Variants in HPSE2 observed in about 807,000 individuals in gnomAD.
HPSE2 encodes heparanase 2 (inactive).
Under a neutral mutation model 60.5 loss-of-function variants are expected in HPSE2, and 38 were observed. That is an observed-to-expected ratio of 0.63 (90% CI 0.48 to 0.82). The LOEUF is 0.82. HPSE2 is among the 40% of genes least tolerant of loss of function. The pLI, the probability that HPSE2 is intolerant of heterozygous loss-of-function variation, is 0.00. For missense variants in HPSE2, 713 were observed against 740.4 expected, an observed-to-expected ratio of 0.96 and a Z score of 0.43; for synonymous variants, 295 against 293.2, an observed-to-expected ratio of 1.01 and a Z score of -0.06.
At chr10:98,735,923 T>G (rs1949345178) in intron 4 of HPSE2, among the ~76,000 whole-genome samples, 6 of 152,170 alleles carry the variant, frequency 3.9e-5, no homozygotes, top group Admixed American at 3.9e-4. Context: ...TTTGAGTTAA[T>G]GCTGAAATGG....
At chr10:99,191,013 T>C (rs1261995208) in intron 2 of HPSE2, among the ~76,000 whole-genome samples, 2 of 151,948 alleles carry the variant, frequency 1.3e-5, no homozygotes, top group Non-Finnish European at 2.9e-5. Flanking sequence ...CCTAGGGTGG[T>C]CGTGGCCACA....
At chr10:98,722,377 A>C (rs1948949487) in intron 4 of HPSE2, among the ~76,000 whole-genome samples, 1 of 151,744 alleles carries the variant, frequency 6.6e-6, no homozygotes, top group Non-Finnish European at 1.5e-5. Flanking sequence ...GAAGCTAGGA[A>C]AGAGGCATGG....
intron 3 of HPSE2, among the ~76,000 whole-genome samples, chr10:98,804,342 T>C (rs552042849): frequency 1.3e-5 from 2 of 151,934 alleles, no homozygotes; most frequent in South Asian, 4.2e-4. Flanking sequence ...AATGAAGAGA[T>C]AACCCACAGA....
At chr10:98,748,903 T>C (rs768006105) in intron 3 of HPSE2, among the ~76,000 whole-genome samples, 4 of 151,892 alleles carry the variant, frequency 2.6e-5, no homozygotes, top group Non-Finnish European at 4.4e-5. Context: ...ATTAGATTAA[T>C]CAAACAGTGA....
At chr10:98,976,329 T>A (rs897314534) in intron 3 of HPSE2, among the ~76,000 whole-genome samples, 6 of 152,206 alleles carry the variant, frequency 3.9e-5, no homozygotes, top group African/African-American at 1.2e-4. Context: ...CCAGGTATTG[T>A]TCTAAATGTT....
chr10:98,639,151 G>A (rs1946574730), intron 7 of HPSE2, among the ~76,000 whole-genome samples: 1 of 152,170 alleles, frequency 6.6e-6, no homozygotes, highest in African/African-American at 2.4e-5. Flanking sequence ...AGCATCACGT[G>A]TCAGAGACGG....
chr10:98,759,578 C>A (rs890982090), intron 3 of HPSE2, among the ~76,000 whole-genome samples: 3 of 151,942 alleles, frequency 2.0e-5, no homozygotes, highest in African/African-American at 7.2e-5. Flanking sequence ...TTCTCAGAAC[C>A]GTTGTTAAAG....
the HPSE2 span, among the ~76,000 whole-genome samples, chr10:99,294,318 A>G: frequency 2.7e-3 from 401 of 148,110 alleles, 2 homozygotes; most frequent in African/African-American, 9.6e-3. Context: ...GAGCTGTGCT[A>G]TATGTTTATG....
intron 3 of HPSE2, among the ~76,000 whole-genome samples, chr10:98,771,264 A>C (rs1950234187): frequency 6.6e-6 from 1 of 152,174 alleles, no homozygotes; most frequent in Non-Finnish European, 1.5e-5. Flanking sequence ...TACTCAATCA[A>C]TTAAGCTGGT....
chr10:98,793,739 A>T (rs1443240100), intron 3 of HPSE2, among the ~76,000 whole-genome samples: 1 of 152,248 alleles, frequency 6.6e-6, no homozygotes, highest in Admixed American at 6.5e-5. Flanking sequence ...TTAAAGTGTC[A>T]CTTTTGAGTT....
At chr10:99,034,173 G>A (rs1314947285) in intron 3 of HPSE2, among the ~76,000 whole-genome samples, 1 of 152,128 alleles carries the variant, frequency 6.6e-6, no homozygotes, top group African/African-American at 2.4e-5. Flanking sequence ...TATGATTTAT[G>A]CAACAACATA....
intron 2 of HPSE2, among the ~76,000 whole-genome samples, chr10:99,191,645 G>A (rs1848226554): frequency 6.6e-6 from 1 of 152,176 alleles, no homozygotes; most frequent in Admixed American, 6.5e-5. Flanking sequence ...TACGTGGAAA[G>A]CGTTCCCAAG....
intron 9 of HPSE2, among the ~76,000 whole-genome samples, chr10:98,509,721 C>G (rs1033531553): frequency 2.0e-5 from 3 of 152,034 alleles, no homozygotes; most frequent in African/African-American, 7.2e-5. Flanking sequence ...AGGCTGGTCT[C>G]GAACTGCTGA....
intron 2 of HPSE2, among the ~76,000 whole-genome samples, chr10:99,152,332 CT>C (rs1164284327): frequency 6.9e-6 from 1 of 145,632 alleles, no homozygotes; most frequent in Admixed American, 6.8e-5. Flanking sequence ...AAAAAAAAGA[CT>C]GAGAGAATTT....
intron 3 of HPSE2, among the ~76,000 whole-genome samples, chr10:99,003,288 T>C (rs1347790222): frequency 6.6e-6 from 1 of 152,122 alleles, no homozygotes; most frequent in Non-Finnish European, 1.5e-5. Context: ...TATATGGCTA[T>C]TATGAATAAT....
intron 9 of HPSE2, among the ~76,000 whole-genome samples, chr10:98,515,051 T>C (rs1285473514): frequency 6.6e-6 from 1 of 152,210 alleles, no homozygotes; most frequent in Non-Finnish European, 1.5e-5. Flanking sequence ...TTAGGTTCCC[T>C]GGTCTCCCTT....
intron 6 of HPSE2, among the ~76,000 whole-genome samples, chr10:98,666,232 C>T (rs1439511653): frequency 1.3e-5 from 2 of 152,182 alleles, no homozygotes; most frequent in African/African-American, 2.4e-5. Context: ...GAAGCCCTAA[C>T]TATCCTAATA....
At chr10:98,711,153 T>C (rs1948667941) in intron 5 of HPSE2, among the ~76,000 whole-genome samples, 1 of 152,038 alleles carries the variant, frequency 6.6e-6, no homozygotes, top group African/African-American at 2.4e-5. Flanking sequence ...GGTTAGAAGA[T>C]CATGATACAC....
At chr10:98,805,993 G>A (rs1018252193) in intron 3 of HPSE2, among the ~76,000 whole-genome samples, 8 of 152,164 alleles carry the variant, frequency 5.3e-5, no homozygotes, top group Non-Finnish European at 8.8e-5. Flanking sequence ...TAGGGAATAA[G>A]CAAGAAGCTC....
Sources: gnomAD v4.1 joint callset for allele counts (sites outside exome capture counted in the v4.1 genomes callset) on GRCh38, gnomAD v4.1.1 for gene constraint, MANE v1.5 for transcripts, NCBI Gene and HGNC (gene_info 2026-07-23, HGNC 2026-07-21) for gene names.